KLHL29: variants seen among roughly 807,000 people sequenced by gnomAD.
KLHL29 encodes kelch-like protein 29.
A neutral mutation model predicts 80.4 loss-of-function variants in KLHL29; 21 were observed. That is an observed-to-expected ratio of 0.26 (90% CI 0.19 to 0.38). KLHL29 has a LOEUF of 0.38. Among genes scored for constraint, KLHL29 ranks in the 10% least tolerant of loss-of-function variants. KLHL29 has a pLI of 1.00. For missense variants in KLHL29, 867 were observed against 1,223.9 expected, an observed-to-expected ratio of 0.71 and a Z score of 4.35; for synonymous variants, 511 against 526.8, an observed-to-expected ratio of 0.97 and a Z score of 0.41.
At chr2:23,598,829 A>T (rs1668493892) in intron 3 of KLHL29, among the ~76,000 whole-genome samples, 2 of 152,172 alleles carry the variant, frequency 1.3e-5, no homozygotes, top group African/African-American at 2.4e-5. Flanking sequence ...CAGCATTGAG[A>T]TGAGGCTTGA....
chr2:23,458,182 A>T (rs1382101394), intron 1 of KLHL29, among the ~76,000 whole-genome samples: 1 of 152,174 alleles, frequency 6.6e-6, no homozygotes, highest in Non-Finnish European at 1.5e-5. Context: ...GACACCAGGG[A>T]CCTACTGGAA....
Position 23,639,098 on chromosome 2 carries a change from T to C in KLHL29, c.286-41T>C, listed in dbSNP as rs766315824. 28 of 1,484,424 alleles carry C rather than the reference T, an allele frequency of 1.9e-5. No individual in the cohort carries two copies. In the South Asian group the frequency reaches 3.9e-4, roughly 20 times the overall value. 92.0% of individuals were successfully genotyped at this position (1,484,424 alleles called of 1,614,324 possible). ...GGGAGTCTTGTTCTGGAGGCTGGTC[T>C]CTGGCCAGGCTATGCTCACCTCCTC... On this transcript the variant is annotated intron_variant, in intron 3 of 13. Transcript: ENST00000486442.
chr2:23,525,178 G>C (rs1287074358), intron 2 of KLHL29, among the ~76,000 whole-genome samples: 2 of 152,202 alleles, frequency 1.3e-5, no homozygotes, highest in Admixed American at 6.5e-5. Flanking sequence ...ACGTAGGAGG[G>C]AGGAAAAAGC....
At chr2:23,559,187 G>A (rs576615253) in intron 2 of KLHL29, among the ~76,000 whole-genome samples, 1 of 152,292 alleles carries the variant, frequency 6.6e-6, no homozygotes, top group Non-Finnish European at 1.5e-5. Context: ...GGGACATGAG[G>A]CTTCAGAAAC....
chr2:23,543,278 G>C (rs1379462598), intron 2 of KLHL29, among the ~76,000 whole-genome samples: 1 of 152,170 alleles, frequency 6.6e-6, no homozygotes, highest in African/African-American at 2.4e-5. Flanking sequence ...TCAAAGGGGA[G>C]CTGGAGAGTG....
chr2:23,428,429 A>G (rs747344), intron 1 of KLHL29, among the ~76,000 whole-genome samples: 77,122 of 152,006 alleles, frequency 0.51, 20,882 homozygotes, highest in African/African-American at 0.71. Flanking sequence ...GCACTCCATA[A>G]TCACTTTACT....
At chr2:23,651,521 G>A (rs1670086774) in intron 5 of KLHL29, among the ~76,000 whole-genome samples, 1 of 152,144 alleles carries the variant, frequency 6.6e-6, no homozygotes, top group Admixed American at 6.5e-5. Flanking sequence ...AGTCTGCTAG[G>A]GCGTGTCTTC....
intron 2 of KLHL29, among the ~76,000 whole-genome samples, chr2:23,545,499 C>T (rs1039391487): frequency 6.6e-6 from 1 of 152,112 alleles, no homozygotes; most frequent in African/African-American, 2.4e-5. Flanking sequence ...TTGGCGTCCT[C>T]GGGGTGGGGT....
In KLHL29 at chr2:23,479,451, C is replaced by T. The variant is rs539390954; in HGVS notation, c.-46+3784C>T. On this transcript the variant is annotated intron_variant, in intron 2 of 13. Coordinates refer to ENST00000486442, the MANE Select transcript of KLHL29 (RefSeq NM_052920.2). Reference sequence around the variant, plus strand: ...CCTCCTGCTTCCTGTCCATCTTGCTCGTGTGAGCTGCCGTCCTCCAGCTCC... The same window carrying T: ...CCTCCTGCTTCCTGTCCATCTTGCTTGTGTGAGCTGCCGTCCTCCAGCTCC... Among the ~76,000 whole-genome samples the T allele has an allele frequency of 3.4e-4, 51 of 152,170 alleles. No homozygotes were observed. The East Asian group carries it at 8.2e-3, about 24-fold the overall frequency.
At chr2:23,701,823 A>G (rs1672400961) in intron 11 of KLHL29, among the ~76,000 whole-genome samples, 2 of 83,038 alleles carry the variant, frequency 2.4e-5, no homozygotes, top group African/African-American at 4.9e-5. Context: ...TTTTTTTCAG[A>G]CGGAGTTTTG....
intron 1 of KLHL29, among the ~76,000 whole-genome samples, chr2:23,446,272 C>G (rs1158919860): frequency 6.7e-6 from 1 of 148,722 alleles, no homozygotes; most frequent in Non-Finnish European, 1.5e-5. Flanking sequence ...AGTTATGCAT[C>G]TTTCCCCCAA....
chr2:23,618,545 G>A (rs1164860861), intron 3 of KLHL29, among the ~76,000 whole-genome samples: 1 of 152,152 alleles, frequency 6.6e-6, no homozygotes, highest in Admixed American at 6.5e-5. Flanking sequence ...CCTTTGGACT[G>A]GAACTGAAAC....
chr2:23,553,569 A>T (rs1558385571), intron 2 of KLHL29, among the ~76,000 whole-genome samples: 1 of 152,198 alleles, frequency 6.6e-6, no homozygotes, highest in Non-Finnish European at 1.5e-5. Context: ...CCCCTGAGGA[A>T]TATGTCACTC....
At chr2:23,388,811 G>T (rs1246426887) in intron 1 of KLHL29, among the ~76,000 whole-genome samples, 1 of 150,998 alleles carries the variant, frequency 6.6e-6, no homozygotes, top group Non-Finnish European at 1.5e-5. Flanking sequence ...GTCATTTTTT[G>T]GCATCTCATT....
chr2:23,420,958 G>A (rs1257380175), intron 1 of KLHL29, among the ~76,000 whole-genome samples: 1 of 152,028 alleles, frequency 6.6e-6, no homozygotes, highest in Non-Finnish European at 1.5e-5. Flanking sequence ...TCAGTCAACA[G>A]AGACCTTAGA....
At chr2:23,627,689 G>A (rs113001592) in intron 3 of KLHL29, among the ~76,000 whole-genome samples, 2 of 151,288 alleles carry the variant, frequency 1.3e-5, no homozygotes, top group Non-Finnish European at 2.9e-5. Context: ...TCTCTTGTTA[G>A]GTGTCTAATA....
intron 6 of KLHL29, among the ~76,000 whole-genome samples, chr2:23,685,924 C>T (rs545740885): frequency 6.6e-6 from 1 of 152,310 alleles, no homozygotes; most frequent in South Asian, 2.1e-4. Context: ...AGAAAGGGGG[C>T]AGGTCAGTGC....
intron 1 of KLHL29, among the ~76,000 whole-genome samples, chr2:23,402,887 TC>T (rs1371216618): frequency 1.3e-5 from 2 of 151,310 alleles, no homozygotes; most frequent in African/African-American, 4.8e-5. Flanking sequence ...TACATATGTA[TC>T]CCTGATTTCT....
At chr2:23,550,167 G>T (rs931441447) in intron 2 of KLHL29, among the ~76,000 whole-genome samples, 1 of 152,174 alleles carries the variant, frequency 6.6e-6, no homozygotes, top group Non-Finnish European at 1.5e-5. Flanking sequence ...ACTGAGCCGG[G>T]TATAATGGGG....
Sources: allele counts gnomAD v4.1 joint callset (sites outside exome capture counted in the v4.1 genomes callset), GRCh38; gene constraint gnomAD v4.1.1; transcripts MANE v1.5; gene names NCBI Gene and HGNC (gene_info 2026-07-23, HGNC 2026-07-21).